Variants in CADM2 observed in about 807,000 individuals in gnomAD.
CADM2 encodes cell adhesion molecule 2.
CADM2 carries 12 observed loss-of-function variants against 49.8 expected under a neutral mutation model. That is an observed-to-expected ratio of 0.24 (90% CI 0.15 to 0.39). CADM2 has a LOEUF of 0.39. Ranked by LOEUF, CADM2 falls within the 10% of genes least tolerant of loss-of-function variation. The pLI, the probability that CADM2 is intolerant of heterozygous loss-of-function variation, is 1.00. For missense variants in CADM2, 378 were observed against 492.3 expected (o/e 0.77, Z 2.20); for synonymous variants, 214 against 175.4 (o/e 1.22, Z -1.74).
intron 1 of CADM2, among the ~76,000 whole-genome samples, chr3:85,005,834 C>T (rs1025679055): frequency 6.6e-6 from 1 of 152,018 alleles, no homozygotes; most frequent in Non-Finnish European, 1.5e-5. Flanking sequence ...CAATTACCAA[C>T]TCTGAGGAGT....
At chr3:85,854,456 A>T (rs1312207345) in intron 3 of CADM2, among the ~76,000 whole-genome samples, 1 of 152,302 alleles carries the variant, frequency 6.6e-6, no homozygotes, top group East Asian at 1.9e-4. Context: ...GCCATAAAAA[A>T]GGATGAATTC....
intron 3 of CADM2, among the ~76,000 whole-genome samples, chr3:85,816,169 A>G (rs1283130254): frequency 1.3e-5 from 2 of 149,888 alleles, no homozygotes; most frequent in Non-Finnish European, 3.0e-5. Flanking sequence ...ACTTTTATAG[A>G]GTGATGCCCT....
intron 1 of CADM2, among the ~76,000 whole-genome samples, chr3:85,477,939 G>T (rs2039051239): frequency 1.3e-5 from 2 of 151,874 alleles, no homozygotes; most frequent in African/African-American, 2.4e-5. Flanking sequence ...AAAACATGTT[G>T]TTGGAAACTC....
At position 85,912,431 on chromosome 3, in the gene CADM2, A is replaced by C. The variant is rs761893686; in HGVS notation, c.588A>C (p.Thr196=). The C allele has an allele frequency of 2.5e-6, 4 of 1,614,122 alleles. No individual in the cohort carries two copies. Among genetic ancestry groups the C allele is most frequent in the Non-Finnish European group, 3.4e-6 (4 of 1,179,992 alleles). ...GCAAGACATTCACTGTCAGCAGCAC[A>C]CTGGACTTCCGAGTGGACCGGAGTG... ...ANRKTFTVSS[T]LDFRVDRSDD... Residue 196 remains threonine (T), a synonymous_variant, in exon 6 of 10, where the codon ACA becomes ACC. Transcript: ENST00000383699.
chr3:85,830,913 C>G (rs1005575444), intron 3 of CADM2, among the ~76,000 whole-genome samples: 21 of 151,278 alleles, frequency 1.4e-4, no homozygotes, highest in African/African-American at 5.1e-4. Context: ...GCTGCTCAGG[C>G]TTGGTTTACA....
intron 2 of CADM2, among the ~76,000 whole-genome samples, chr3:85,764,097 T>G (rs942672012): frequency 6.6e-6 from 1 of 152,162 alleles, no homozygotes; most frequent in African/African-American, 2.4e-5. Flanking sequence ...AGTGTTAGTA[T>G]ATTTCTTTTC....
intron 1 of CADM2, among the ~76,000 whole-genome samples, chr3:85,627,778 C>T (rs1220820067): frequency 1.3e-5 from 2 of 151,988 alleles, no homozygotes; most frequent in Non-Finnish European, 2.9e-5. Flanking sequence ...TGTGAGCCCT[C>T]CAAAAGCTCA....
chr3:85,915,771 G>A (rs766232742), intron 6 of CADM2, among the ~76,000 whole-genome samples: 4 of 152,142 alleles, frequency 2.6e-5, no homozygotes, highest in Non-Finnish European at 5.9e-5. Flanking sequence ...CAATATTCTT[G>A]TGATGAATAA....
chr3:85,577,704 A>G (rs1395771798), intron 1 of CADM2, among the ~76,000 whole-genome samples: 1 of 152,198 alleles, frequency 6.6e-6, no homozygotes, highest in African/African-American at 2.4e-5. Flanking sequence ...TTTTAAAATT[A>G]AAAACATTTT....
At chr3:85,909,389 A>G in intron 5 of CADM2, among the ~76,000 whole-genome samples, 1 of 141,382 alleles carries the variant, frequency 7.1e-6, no homozygotes. Context: ...TATTTTGAAA[A>G]ATGTAAAATG....
At chr3:85,804,279 A>T (rs1327330594) in intron 3 of CADM2, among the ~76,000 whole-genome samples, 1 of 152,166 alleles carries the variant, frequency 6.6e-6, no homozygotes, top group Admixed American at 6.6e-5. Flanking sequence ...ATATTATTAT[A>T]TTAGTTAATT....
intron 1 of CADM2, among the ~76,000 whole-genome samples, chr3:85,040,089 C>A (rs1192401223): frequency 6.6e-6 from 1 of 152,042 alleles, no homozygotes; most frequent in African/African-American, 2.4e-5. Context: ...GTATTCTGAG[C>A]CTACTAATAA....
chr3:85,476,018 CA>C (rs2038960768), intron 1 of CADM2, among the ~76,000 whole-genome samples: 1 of 151,766 alleles, frequency 6.6e-6, no homozygotes, highest in South Asian at 2.1e-4. Flanking sequence ...CTAAATAAGA[CA>C]AACTAATGAA....
At chr3:85,486,058 G>A (rs2039400763) in intron 1 of CADM2, among the ~76,000 whole-genome samples, 1 of 152,168 alleles carries the variant, frequency 6.6e-6, no homozygotes, top group African/African-American at 2.4e-5. Flanking sequence ...TGAGGTCACA[G>A]CAGGAAACTT....
intron 1 of CADM2, among the ~76,000 whole-genome samples, chr3:85,252,255 C>T (rs2042793325): frequency 6.6e-6 from 1 of 151,954 alleles, no homozygotes; most frequent in African/African-American, 2.4e-5. Context: ...ATTACTTTGA[C>T]ATACACTCAG....
chr3:85,562,329 T>C (rs2062117325), intron 1 of CADM2, among the ~76,000 whole-genome samples: 1 of 151,690 alleles, frequency 6.6e-6, no homozygotes, highest in Non-Finnish European at 1.5e-5. Context: ...AAATACAAAA[T>C]TAGCTGGGCA....
chr3:85,703,629 T>C (rs2066850891), intron 1 of CADM2, among the ~76,000 whole-genome samples: 1 of 152,190 alleles, frequency 6.6e-6, no homozygotes, highest in African/African-American at 2.4e-5. Flanking sequence ...TTTTGAGATG[T>C]TTTATTGCCC....
intron 1 of CADM2, among the ~76,000 whole-genome samples, chr3:85,239,047 C>T (rs927908849): frequency 1.3e-5 from 2 of 151,718 alleles, no homozygotes; most frequent in African/African-American, 4.8e-5. Flanking sequence ...AAGAAAAAGA[C>T]TTGGCTTAAA....
chr3:85,383,006 CTT>C (rs2033989805), intron 1 of CADM2, among the ~76,000 whole-genome samples: 1 of 152,062 alleles, frequency 6.6e-6, no homozygotes, highest in Non-Finnish European at 1.5e-5. Context: ...GAAAACCTAA[CTT>C]AGGAGTACAC....
Sources: allele counts gnomAD v4.1 joint callset (sites outside exome capture counted in the v4.1 genomes callset), GRCh38; gene constraint gnomAD v4.1.1; transcripts MANE v1.5; gene names NCBI Gene and HGNC (gene_info 2026-07-23, HGNC 2026-07-21).